Variants in DSCAM observed in about 807,000 individuals in gnomAD.
DSCAM encodes the protein cell adhesion molecule DSCAM.
A neutral mutation model predicts 217.7 loss-of-function variants in DSCAM; 47 were observed. The observed-to-expected ratio is 0.22, with a 90% confidence interval of 0.17 to 0.28. The LOEUF is 0.28. Ranked by LOEUF, DSCAM falls within the 10% of genes least tolerant of loss-of-function variation. DSCAM has a pLI of 1.00. For synonymous variants in DSCAM, 1,056 were observed against 1,015.3 expected (o/e 1.04, Z -0.76); for missense variants, 2,080 against 2,618.3 (o/e 0.79, Z 4.49).
intron 4 of DSCAM, among the ~76,000 whole-genome samples, chr21:40,355,226 C>A (rs7283653): frequency 8.0e-4 from 122 of 152,150 alleles, no homozygotes; most frequent in Non-Finnish European, 1.3e-3. Context: ...CAGGAGGACT[C>A]AAGATATGGT....
intron 3 of DSCAM, among the ~76,000 whole-genome samples, chr21:40,378,643 G>GT (rs1329453115): frequency 2.5e-5 from 3 of 122,426 alleles, no homozygotes; most frequent in Non-Finnish European, 4.8e-5. Flanking sequence ...CCAGGCTGGA[G>GT]TGCAGTGGCG....
chr21:40,136,040 G>A (rs1207345877), intron 18 of DSCAM, among the ~76,000 whole-genome samples: 1 of 152,212 alleles, frequency 6.6e-6, no homozygotes, highest in Admixed American at 6.5e-5. Context: ...TGGGGAGGGA[G>A]CAGGGCGAGG....
intron 3 of DSCAM, among the ~76,000 whole-genome samples, chr21:40,370,921 C>T (rs2074891089): frequency 6.6e-6 from 1 of 152,170 alleles, no homozygotes; most frequent in African/African-American, 2.4e-5. Context: ...AGTGGGATTA[C>T]AGGCATGAGC....
chr21:40,638,963 T>C (rs2089842735), intron 3 of DSCAM, among the ~76,000 whole-genome samples: 1 of 152,192 alleles, frequency 6.6e-6, no homozygotes, highest in Admixed American at 6.5e-5. Context: ...TAAAATGATA[T>C]CAACATTCTC....
At chr21:40,414,591 T>C (rs769940240) in intron 3 of DSCAM, among the ~76,000 whole-genome samples, 128 of 152,324 alleles carry the variant, frequency 8.4e-4, no homozygotes, top group Non-Finnish European at 1.7e-3. Flanking sequence ...CCTATTTTTC[T>C]CTTTCTTTTT....
intron 3 of DSCAM, among the ~76,000 whole-genome samples, chr21:40,662,893 G>A (rs1289382152): frequency 6.6e-6 from 1 of 152,094 alleles, no homozygotes; most frequent in Non-Finnish European, 1.5e-5. Context: ...ACTTTATTAC[G>A]GCAGCCTGAA....
chr21:40,093,062 C>T (rs1760691939), intron 21 of DSCAM, among the ~76,000 whole-genome samples: 1 of 152,082 alleles, frequency 6.6e-6, no homozygotes, highest in African/African-American at 2.4e-5. Context: ...CTCCTGCTGG[C>T]CTGGAATTGT....
intron 1 of DSCAM, among the ~76,000 whole-genome samples, chr21:40,816,412 C>T (rs1457153545): frequency 1.3e-5 from 2 of 152,096 alleles, no homozygotes; most frequent in Non-Finnish European, 2.9e-5. Flanking sequence ...CACCCCATCT[C>T]TACTAAAAAT....
intron 1 of DSCAM, among the ~76,000 whole-genome samples, chr21:40,834,333 G>A (rs1163112247): frequency 1.3e-5 from 2 of 151,016 alleles, no homozygotes; most frequent in Admixed American, 1.3e-4. Flanking sequence ...CATGAACCCG[G>A]GAGGCTGAGC....
intron 1 of DSCAM, among the ~76,000 whole-genome samples, chr21:40,774,276 G>A (rs1161944493): frequency 6.6e-6 from 1 of 152,230 alleles, no homozygotes; most frequent in Non-Finnish European, 1.5e-5. Context: ...AATTCATAGT[G>A]GAAAGTGATG....
intron 4 of DSCAM, among the ~76,000 whole-genome samples, chr21:40,362,209 T>G (rs1378859689): frequency 6.6e-6 from 1 of 152,176 alleles, no homozygotes; most frequent in Non-Finnish European, 1.5e-5. Context: ...TCTTTGCTAT[T>G]GTGAATAGTG....
chr21:40,147,524 C>G (rs2090371114), intron 16 of DSCAM, among the ~76,000 whole-genome samples: 3 of 151,486 alleles, frequency 2.0e-5, no homozygotes, highest in Admixed American at 2.0e-4. Context: ...TCCTGTGGTT[C>G]TAAAATAAAG....
At chr21:40,680,615 C>G (rs142363935) in intron 3 of DSCAM, among the ~76,000 whole-genome samples, 1 of 152,222 alleles carries the variant, frequency 6.6e-6, no homozygotes, top group African/African-American at 2.4e-5. Flanking sequence ...TGACTCTGCT[C>G]TACTGCAGAG....
intron 1 of DSCAM, among the ~76,000 whole-genome samples, chr21:40,808,667 G>T (rs554837314): frequency 2.0e-5 from 3 of 151,846 alleles, no homozygotes; most frequent in African/African-American, 7.3e-5. Context: ...GTAGAGACAG[G>T]ATTTCACCAT....
chr21:40,327,044 T>C (rs993402626), intron 8 of DSCAM, among the ~76,000 whole-genome samples: 2 of 151,886 alleles, frequency 1.3e-5, no homozygotes, highest in Admixed American at 6.6e-5. Flanking sequence ...ATTTAAACAA[T>C]TTACATGTGT....
chr21:40,838,516 G>A (rs1051801976), intron 1 of DSCAM, among the ~76,000 whole-genome samples: 14 of 152,204 alleles, frequency 9.2e-5, no homozygotes, highest in African/African-American at 3.4e-4. Context: ...CTGCTGTTTT[G>A]CAGAAGCATC....
intron 32 of DSCAM, among the ~76,000 whole-genome samples, chr21:40,040,167 GACAAA>G (rs2088718430): frequency 2.0e-5 from 3 of 152,294 alleles, no homozygotes; most frequent in Admixed American, 1.3e-4. Context: ...ATCTAGGGTA[GACAAA>G]ACAAAGTTTG....
intron 1 of DSCAM, among the ~76,000 whole-genome samples, chr21:40,728,779 AG>A (rs1449954946): frequency 6.6e-6 from 1 of 152,182 alleles, no homozygotes; most frequent in Admixed American, 6.5e-5. Context: ...GCCCTTCCCA[AG>A]CATTTTCACC....
chr21:40,567,261 C>T (rs1043690669), intron 3 of DSCAM, among the ~76,000 whole-genome samples: 1 of 152,194 alleles, frequency 6.6e-6, no homozygotes, highest in African/African-American at 2.4e-5. Context: ...GCTTTGGGGC[C>T]TCCCGGTCTT....
Sources: allele counts gnomAD v4.1 joint callset (sites outside exome capture counted in the v4.1 genomes callset), GRCh38; gene constraint gnomAD v4.1.1; transcripts MANE v1.5; gene names NCBI Gene and HGNC (gene_info 2026-07-23, HGNC 2026-07-21).